UNC5D: variants seen among roughly 807,000 people sequenced by gnomAD.
UNC5D encodes netrin receptor UNC5D.
Under a neutral mutation model 105.4 loss-of-function variants are expected in UNC5D, and 39 were observed. The ratio of observed to expected loss-of-function variants is 0.37; its 90% CI spans 0.29 to 0.48. The LOEUF (loss-of-function observed/expected upper bound fraction) is 0.48. UNC5D is among the 20% of genes least tolerant of loss of function. The pLI is 0.98. For synonymous variants in UNC5D, 452 were observed against 450.4 expected, an observed-to-expected ratio of 1.00 and a Z score of -0.04; for missense variants, 991 against 1,202.4, an observed-to-expected ratio of 0.82 and a Z score of 2.60.
At chr8:35,281,945 T>G (rs1384931994) in intron 1 of UNC5D, among the ~76,000 whole-genome samples, 2 of 152,232 alleles carry the variant, frequency 1.3e-5, no homozygotes, top group Non-Finnish European at 2.9e-5. Flanking sequence ...AATATCCACA[T>G]TTAATGACCT....
intron 3 of UNC5D, among the ~76,000 whole-genome samples, chr8:35,587,913 A>G (rs1818889677): frequency 6.9e-6 from 1 of 145,278 alleles, no homozygotes; most frequent in African/African-American, 2.5e-5. Flanking sequence ...CCAGTGGAAA[A>G]TCTTCAAAAT....
intron 15 of UNC5D, among the ~76,000 whole-genome samples, chr8:35,773,649 C>G (rs987047059): frequency 2.0e-5 from 3 of 152,186 alleles, no homozygotes; most frequent in East Asian, 1.9e-4. Flanking sequence ...CCTGCTGATT[C>G]TAGAGCTATG....
chr8:35,675,031 G>A (rs1825114255), intron 4 of UNC5D, among the ~76,000 whole-genome samples: 1 of 151,988 alleles, frequency 6.6e-6, no homozygotes, highest in African/African-American at 2.4e-5. Context: ...TTCCCAAGAC[G>A]TTTTTTACTA....
chr8:35,286,472 C>T (rs1383767483), intron 1 of UNC5D, among the ~76,000 whole-genome samples: 2 of 152,148 alleles, frequency 1.3e-5, no homozygotes, highest in African/African-American at 2.4e-5. Context: ...GAGCATCTGG[C>T]CCTGCCTGAC....
At chr8:35,716,917 A>G (rs1430743455) in intron 8 of UNC5D, among the ~76,000 whole-genome samples, 1 of 152,248 alleles carries the variant, frequency 6.6e-6, no homozygotes, top group East Asian at 1.9e-4. Context: ...ATATTTCAGC[A>G]TGCAATTAAA....
chr8:35,436,790 G>A (rs1807045991), intron 1 of UNC5D, among the ~76,000 whole-genome samples: 1 of 151,996 alleles, frequency 6.6e-6, no homozygotes, highest in South Asian at 2.1e-4. Flanking sequence ...CTCCTACTGT[G>A]TTTCAGTTAA....
chr8:35,256,398 A>G (rs1804074968), intron 1 of UNC5D: 1 of 152,048 alleles, frequency 6.6e-6, no homozygotes, highest in Non-Finnish European at 1.5e-5. Context: ...TACATGTGTC[A>G]TGGTGGTTTG....
At chr8:35,600,579 T>TG (rs1819797919) in intron 4 of UNC5D, among the ~76,000 whole-genome samples, 1 of 152,238 alleles carries the variant, frequency 6.6e-6, no homozygotes. Flanking sequence ...GTGTGTCTTT[T>TG]GGCTGCATAA....
chr8:35,751,129 G>A (rs893521993), intron 13 of UNC5D, among the ~76,000 whole-genome samples: 4 of 152,154 alleles, frequency 2.6e-5, no homozygotes, highest in East Asian at 1.9e-4. Context: ...TGAGGTGGGA[G>A]TGCTGACTGG....
chr8:35,630,149 G>T (rs1821947819), intron 4 of UNC5D, among the ~76,000 whole-genome samples: 1 of 152,170 alleles, frequency 6.6e-6, no homozygotes, highest in South Asian at 2.1e-4. Context: ...TTCCACAATA[G>T]ATGAACTCTG....
At chr8:35,629,470 G>A (rs1026026769) in intron 4 of UNC5D, among the ~76,000 whole-genome samples, 3 of 151,886 alleles carry the variant, frequency 2.0e-5, no homozygotes, top group Non-Finnish European at 4.4e-5. Flanking sequence ...CAATGTAGTC[G>A]CTTGTAAGTA....
intron 13 of UNC5D, among the ~76,000 whole-genome samples, chr8:35,753,086 A>G (rs755232722): frequency 2.6e-5 from 4 of 152,164 alleles, no homozygotes; most frequent in Non-Finnish European, 5.9e-5. Context: ...ACCATATTCT[A>G]CCATGGCTCC....
chr8:35,552,346 A>G (rs544154002), intron 2 of UNC5D, among the ~76,000 whole-genome samples: 1 of 152,048 alleles, frequency 6.6e-6, no homozygotes, highest in East Asian at 1.9e-4. Flanking sequence ...CAACACCATG[A>G]GTCACCTTTG....
intron 1 of UNC5D, among the ~76,000 whole-genome samples, chr8:35,473,371 C>T (rs1809872115): frequency 6.6e-6 from 1 of 152,152 alleles, no homozygotes; most frequent in South Asian, 2.1e-4. Flanking sequence ...TATTCACTGC[C>T]ATATCCACAG....
At chr8:35,726,692 C>A in intron 10 of UNC5D, 163 bp downstream of exon 10, 4 of 1,090,396 alleles carry the variant, frequency 3.7e-6, no homozygotes, top group Non-Finnish European at 5.2e-6. Context: ...CAAACCAGAA[C>A]CAATGCTGAG....
At chr8:35,699,365 C>G (rs1369299382) in intron 7 of UNC5D, among the ~76,000 whole-genome samples, 1 of 152,214 alleles carries the variant, frequency 6.6e-6, no homozygotes, top group Non-Finnish European at 1.5e-5. Context: ...TCAGAAGTGA[C>G]ATCCTTGAGC....
rs1253022584 is a variant in UNC5D at position 35,499,897 on chromosome 8, A to G, written c.104-49395A>G. ...TTTCATTCTCTCATCCCCTACCCTT[A>G]CAATGTTTTATTAATGCTTATACTG... On this transcript the variant is annotated intron_variant, in intron 1 of 16. Transcript: ENST00000404895. Among the ~76,000 whole-genome samples, 2 of 152,186 alleles carry G rather than the reference A, an allele frequency of 1.3e-5. 1 individual carries two copies. Among genetic ancestry groups the G allele is most frequent in the Admixed American group, 1.3e-4 (2 of 15,284 alleles).
chr8:35,436,234 A>G (rs2128979497), intron 1 of UNC5D, among the ~76,000 whole-genome samples: 1 of 152,158 alleles, frequency 6.6e-6, no homozygotes, highest in African/African-American at 2.4e-5. Context: ...GATTCTAACA[A>G]TATTTTGATT....
chr8:35,471,443 A>G (rs1420028267), intron 1 of UNC5D, among the ~76,000 whole-genome samples: 1 of 152,174 alleles, frequency 6.6e-6, no homozygotes, highest in East Asian at 1.9e-4. Flanking sequence ...TTTTTTTAAT[A>G]ATTAAAGTGA....
Sources: gnomAD v4.1 joint callset for allele counts (sites outside exome capture counted in the v4.1 genomes callset) on GRCh38, gnomAD v4.1.1 for gene constraint, MANE v1.5 for transcripts, NCBI Gene and HGNC (gene_info 2026-07-23, HGNC 2026-07-21) for gene names.